The following FBXL17 variants were observed in gnomAD, a reference collection of about 807,000 sequenced individuals.
The protein encoded by FBXL17 is F-box/LRR-repeat protein 17.
Under a neutral mutation model 66.2 loss-of-function variants are expected in FBXL17, and 22 were observed. That is an observed-to-expected ratio of 0.33 (90% CI 0.24 to 0.47). The LOEUF is 0.47. Among genes scored for constraint, FBXL17 ranks in the 20% least tolerant of loss-of-function variants. The pLI, the probability that FBXL17 is intolerant of heterozygous loss-of-function variation, is 1.00. For missense variants in FBXL17, 878 were observed against 948.2 expected, an observed-to-expected ratio of 0.93 and a Z score of 0.97; for synonymous variants, 474 against 400.5, an observed-to-expected ratio of 1.18 and a Z score of -2.19.
At chr5:108,154,352 G>A (rs1751885706) in intron 6 of FBXL17, among the ~76,000 whole-genome samples, 1 of 148,782 alleles carries the variant, frequency 6.7e-6, no homozygotes, top group African/African-American at 2.5e-5. Flanking sequence ...CCAGCACTTT[G>A]AGAGGCCGAG....
chr5:107,902,818 TG>T (rs753373555), intron 7 of FBXL17, among the ~76,000 whole-genome samples: 2 of 152,096 alleles, frequency 1.3e-5, no homozygotes, highest in Non-Finnish European at 2.9e-5. Context: ...TTGCACAAAG[TG>T]TTTTTTTTTT....
intron 6 of FBXL17, among the ~76,000 whole-genome samples, chr5:108,056,702 G>A (rs1747722119): frequency 6.6e-6 from 1 of 152,128 alleles, no homozygotes; most frequent in Non-Finnish European, 1.5e-5. Context: ...AACTAGCTAA[G>A]GAGCACTCTC....
chr5:108,238,546 T>C (rs1378761479), intron 4 of FBXL17, among the ~76,000 whole-genome samples: 1 of 152,242 alleles, frequency 6.6e-6, no homozygotes, highest in Non-Finnish European at 1.5e-5. Flanking sequence ...GGTCTCATTC[T>C]GTCACCCAGG....
intron 6 of FBXL17, among the ~76,000 whole-genome samples, chr5:108,164,990 T>C (rs958434186): frequency 6.6e-6 from 1 of 152,208 alleles, no homozygotes; most frequent in East Asian, 1.9e-4. Flanking sequence ...ACAATTGGCA[T>C]AGGTATGGAG....
intron 4 of FBXL17, among the ~76,000 whole-genome samples, chr5:108,344,183 G>GC (rs76726097): frequency 9.9e-5 from 15 of 152,102 alleles, no homozygotes; most frequent in South Asian, 6.2e-4. Context: ...TAGGGGGTCG[G>GC]GGGGGAAAGC....
chr5:108,355,373 C>T (rs1580877439), intron 3 of FBXL17, among the ~76,000 whole-genome samples: 1 of 151,920 alleles, frequency 6.6e-6, no homozygotes, highest in East Asian at 1.9e-4. Context: ...ACTGCAACCT[C>T]CGCCTCCCAG....
intron 5 of FBXL17, among the ~76,000 whole-genome samples, chr5:108,194,624 C>T (rs962096991): frequency 6.6e-6 from 1 of 152,172 alleles, no homozygotes; most frequent in African/African-American, 2.4e-5. Context: ...TGCTCAGGAT[C>T]AATCTCTCAT....
chr5:108,019,718 G>C (rs563910016), intron 7 of FBXL17, among the ~76,000 whole-genome samples: 1 of 151,214 alleles, frequency 6.6e-6, no homozygotes, highest in South Asian at 2.1e-4. Context: ...AACTCTTTAG[G>C]GTCTAGACAA....
chr5:108,274,642 G>T (rs987867886), intron 4 of FBXL17, among the ~76,000 whole-genome samples: 1 of 152,188 alleles, frequency 6.6e-6, no homozygotes, highest in Non-Finnish European at 1.5e-5. Context: ...CAAGGGTATT[G>T]ACTGGGGAAG....
At chr5:108,115,481 A>C in intron 6 of FBXL17, among the ~76,000 whole-genome samples, 1 of 152,064 alleles carries the variant, frequency 6.6e-6, no homozygotes, top group Non-Finnish European at 1.5e-5. Context: ...TCATTGGCTC[A>C]ATTCATTACA....
intron 7 of FBXL17, among the ~76,000 whole-genome samples, chr5:108,001,891 T>C (rs1179339682): frequency 6.6e-6 from 1 of 152,192 alleles, no homozygotes; most frequent in Non-Finnish European, 1.5e-5. Context: ...ATTGAAATTT[T>C]TCCTCTTGTG....
At chr5:108,178,163 G>C (rs1217106723) in intron 6 of FBXL17, among the ~76,000 whole-genome samples, 1 of 151,856 alleles carries the variant, frequency 6.6e-6, no homozygotes, top group Non-Finnish European at 1.5e-5. Context: ...TCCCAGCTCA[G>C]CCTCCTCAGT....
intron 4 of FBXL17, among the ~76,000 whole-genome samples, chr5:108,288,002 C>T (rs746961191): frequency 1.8e-4 from 27 of 151,876 alleles, no homozygotes; most frequent in Non-Finnish European, 3.7e-4. Context: ...ACCAAGTGAA[C>T]AAACAAAGGA....
At chr5:107,967,748 G>A (rs1396191106) in intron 7 of FBXL17, among the ~76,000 whole-genome samples, 1 of 151,854 alleles carries the variant, frequency 6.6e-6, no homozygotes, top group Non-Finnish European at 1.5e-5. Flanking sequence ...CAAATTAGAT[G>A]TAAATTACAG....
At chr5:108,213,692 T>C (rs1754475093) in intron 5 of FBXL17, among the ~76,000 whole-genome samples, 1 of 152,174 alleles carries the variant, frequency 6.6e-6, no homozygotes, top group Admixed American at 6.5e-5. Context: ...GCCTTCTCTA[T>C]CATTTTCGCT....
chr5:107,875,560 C>T (rs1400124803), intron 8 of FBXL17, among the ~76,000 whole-genome samples: 1 of 152,164 alleles, frequency 6.6e-6, no homozygotes, highest in African/African-American at 2.4e-5. Context: ...AAAGCAGACT[C>T]CTGGCTCGAA....
At chr5:108,245,614 A>T (rs941537005) in intron 4 of FBXL17, among the ~76,000 whole-genome samples, 1 of 152,198 alleles carries the variant, frequency 6.6e-6, no homozygotes, top group Non-Finnish European at 1.5e-5. Flanking sequence ...GGGAAGTAAG[A>T]TGGAGAATCC....
chr5:108,354,905 A>AG (rs1365722338), intron 3 of FBXL17, among the ~76,000 whole-genome samples: 1 of 152,110 alleles, frequency 6.6e-6, no homozygotes, highest in African/African-American at 2.4e-5. Flanking sequence ...CCAACAACCT[A>AG]GTATTCTATA....
chr5:107,880,817 G>A, intron 8 of FBXL17: 1 of 1,358,506 alleles, frequency 7.4e-7, no homozygotes, highest in African/African-American at 1.5e-5. Context: ...TTCTACTTAA[G>A]CACAAAATTC....
Sources: allele counts gnomAD v4.1 joint callset (sites outside exome capture counted in the v4.1 genomes callset), GRCh38; gene constraint gnomAD v4.1.1; transcripts MANE v1.5; gene names NCBI Gene and HGNC (gene_info 2026-07-23, HGNC 2026-07-21).